The following SLC38A9 variants were observed in gnomAD, a reference collection of about 807,000 sequenced individuals.
SLC38A9 encodes the protein neutral amino acid transporter 9.
A neutral mutation model predicts 62.3 loss-of-function variants in SLC38A9; 48 were observed. The ratio of observed to expected loss-of-function variants is 0.77; its 90% confidence interval spans 0.61 to 0.98. The LOEUF (loss-of-function observed/expected upper bound fraction) is 0.98, where lower values mean the gene tolerates loss of function less well. SLC38A9 is among the 50% of genes least tolerant of loss of function. The pLI, the probability that SLC38A9 is intolerant of heterozygous loss-of-function variation, is 0.00. For missense variants in SLC38A9, 541 were observed against 679.8 expected, an observed-to-expected ratio of 0.80 and a Z score of 2.27; for synonymous variants, 204 against 227.7, an observed-to-expected ratio of 0.90 and a Z score of 0.94.
chr5:55,671,482 A>G (rs1176956793), intron 4 of SLC38A9, among the ~76,000 whole-genome samples: 1 of 151,176 alleles, frequency 6.6e-6, no homozygotes, highest in Non-Finnish European at 1.5e-5. Flanking sequence ...ATTTATGTGT[A>G]CATATTTCAG....
At position 55,626,332 on chromosome 5, in the gene SLC38A9, T is replaced by A; in HGVS notation, c.*162A>T. ...CTTTTTGCCCCTTTCCCCACCCCAA[T>A]AAAAAAATACTCATTAAGGGGCCAC... On this transcript the variant is annotated 3_prime_UTR_variant, in exon 16 of 16. Transcript: ENST00000396865. 2 of 605,944 alleles carry A rather than the reference T, an allele frequency of 3.3e-6. No homozygotes were observed. The highest frequency in any genetic ancestry group is 5.5e-6 in the Non-Finnish European group (2 of 360,586). The allele number at this position is 605,944 out of a possible 1,614,324, so 37.5% of individuals were successfully genotyped here.
At chr5:55,702,157 G>C (rs1015917433) in intron 2 of SLC38A9, among the ~76,000 whole-genome samples, 2 of 152,092 alleles carry the variant, frequency 1.3e-5, no homozygotes, top group African/African-American at 4.8e-5. Context: ...GTGTAACTTA[G>C]CATTAACAAT....
intron 14 of SLC38A9, among the ~76,000 whole-genome samples, chr5:55,631,236 T>C (rs917502143): frequency 6.6e-5 from 10 of 152,178 alleles, no homozygotes; most frequent in Admixed American, 5.9e-4. Flanking sequence ...AATACATTTT[T>C]AAGAGCATAA....
intron 2 of SLC38A9, among the ~76,000 whole-genome samples, chr5:55,703,752 G>A (rs983163578): frequency 6.6e-6 from 1 of 152,194 alleles, no homozygotes; most frequent in African/African-American, 2.4e-5. Context: ...AAGATGGAAT[G>A]AAGTTAGGAT....
chr5:55,655,257 A>ATAAAG (rs71600900), intron 9 of SLC38A9, among the ~76,000 whole-genome samples: 89,818 of 151,464 alleles, frequency 0.59, 27,256 homozygotes, highest in South Asian at 0.69. Flanking sequence ...ATATCACTAT[A>ATAAAG]TAAACTGACT....
At chr5:55,673,525 T>G (rs1374266853) in intron 3 of SLC38A9, 1 of 152,138 alleles carries the variant, frequency 6.6e-6, no homozygotes, top group Non-Finnish European at 1.5e-5. Context: ...CTCCTTGAAA[T>G]CATAAGTGAC....
intron 2 of SLC38A9, among the ~76,000 whole-genome samples, chr5:55,709,459 G>A (rs1309472704): frequency 6.6e-6 from 1 of 151,508 alleles, no homozygotes; most frequent in Non-Finnish European, 1.5e-5. Flanking sequence ...GCTCATGCCT[G>A]TAATCCCAAT....
At chr5:55,707,914 C>T (rs1384152351) in intron 2 of SLC38A9, among the ~76,000 whole-genome samples, 1 of 152,182 alleles carries the variant, frequency 6.6e-6, no homozygotes, top group Non-Finnish European at 1.5e-5. Context: ...GTCTTTCCAT[C>T]CCTTCCCCCA....
At chr5:55,652,780 C>CA (rs1747762523) in intron 9 of SLC38A9, 57 bp from the exon 10 acceptor site, 2 of 1,436,282 alleles carry the variant, frequency 1.4e-6, no homozygotes, top group Middle Eastern at 2.0e-4. Flanking sequence ...CAAAACAAAA[C>CA]AAAAAACAGA....
chr5:55,691,155 A>C (rs550323001), intron 3 of SLC38A9: 2 of 756,550 alleles, frequency 2.6e-6, no homozygotes, highest in Non-Finnish European at 4.6e-6. Context: ...AGTTAGAAAA[A>C]TCTTGAAACT....
At chr5:55,687,702 A>G (rs1237062393) in intron 3 of SLC38A9, among the ~76,000 whole-genome samples, 1 of 151,700 alleles carries the variant, frequency 6.6e-6, no homozygotes, top group Non-Finnish European at 1.5e-5. Flanking sequence ...TTATGTATTT[A>G]TGTATTTATT....
chr5:55,691,331 G>C (rs1046989884), intron 3 of SLC38A9: 9 of 1,446,484 alleles, frequency 6.2e-6, no homozygotes, highest in Non-Finnish European at 6.4e-6. Flanking sequence ...GTGAATAAGG[G>C]GCAGAAGAAA....
chr5:55,651,224 C>CA (rs72091276), intron 10 of SLC38A9, among the ~76,000 whole-genome samples: 80,309 of 136,652 alleles, frequency 0.59, 24,950 homozygotes, highest in South Asian at 0.7. Context: ...TCTGAACTTT[C>CA]ACTGGGGGGG....
chr5:55,675,815 CT>C (rs1752013136), intron 3 of SLC38A9, among the ~76,000 whole-genome samples: 1 of 152,006 alleles, frequency 6.6e-6, no homozygotes, highest in African/African-American at 2.4e-5. Context: ...TACCTAACAC[CT>C]TTTCTAGGTT....
At chr5:55,655,115 A>G (rs1464568744) in intron 9 of SLC38A9, among the ~76,000 whole-genome samples, 2 of 152,186 alleles carry the variant, frequency 1.3e-5, no homozygotes. Flanking sequence ...GTTAGAATCA[A>G]AAGCGTGAGC....
chr5:55,631,452 C>T (rs1475383380), intron 14 of SLC38A9, among the ~76,000 whole-genome samples: 1 of 152,066 alleles, frequency 6.6e-6, no homozygotes, highest in African/African-American at 2.4e-5. Flanking sequence ...TGGTAGAAAA[C>T]AGGAATAATG....
chr5:55,676,257 C>T (rs1752063467), intron 3 of SLC38A9, among the ~76,000 whole-genome samples: 1 of 152,156 alleles, frequency 6.6e-6, no homozygotes, highest in African/African-American at 2.4e-5. Context: ...GCAGCCTCAG[C>T]CATCTGGGCT....
At chr5:55,660,220 G>T (rs1319248090) in intron 8 of SLC38A9, among the ~76,000 whole-genome samples, 1 of 151,878 alleles carries the variant, frequency 6.6e-6, no homozygotes, top group Non-Finnish European at 1.5e-5. Context: ...AGACCAGCCT[G>T]GGCAACATGA....
intron 11 of SLC38A9, among the ~76,000 whole-genome samples, chr5:55,647,133 A>G (rs189979381): frequency 6.6e-5 from 10 of 152,270 alleles, no homozygotes; most frequent in Non-Finnish European, 8.8e-5. Context: ...CCACAAAAAT[A>G]TAAATAGTGG....
Sources: gnomAD v4.1 joint callset for allele counts (sites outside exome capture counted in the v4.1 genomes callset) on GRCh38, gnomAD v4.1.1 for gene constraint, MANE v1.5 for transcripts, NCBI Gene and HGNC (gene_info 2026-07-23, HGNC 2026-07-21) for gene names.